UBASH3A: variants seen among roughly 807,000 people sequenced by gnomAD.
UBASH3A encodes ubiquitin associated and SH3 domain containing A.
Under a neutral mutation model 73.5 loss-of-function variants are expected in UBASH3A, and 63 were observed. That is an observed-to-expected ratio of 0.86 (90% CI 0.70 to 1.06). The LOEUF (loss-of-function observed/expected upper bound fraction) is 1.06. Among genes scored for constraint, UBASH3A ranks in the 50% least tolerant of loss-of-function variants. The pLI is 0.00. For synonymous variants in UBASH3A, 363 were observed against 351.1 expected (o/e 1.03, Z -0.38); for missense variants, 860 against 859.0 (o/e 1.00, Z -0.02).
At chr21:42,434,204 T>G (rs1425888864) in intron 9 of UBASH3A, among the ~76,000 whole-genome samples, 1 of 152,136 alleles carries the variant, frequency 6.6e-6, no homozygotes, top group Non-Finnish European at 1.5e-5. Context: ...ATAAGAGAGA[T>G]GAAGTCATTT....
At chr21:42,440,193 C>A (rs1156478497) in intron 11 of UBASH3A, among the ~76,000 whole-genome samples, 1 of 152,204 alleles carries the variant, frequency 6.6e-6, no homozygotes, top group Non-Finnish European at 1.5e-5. Context: ...GCAGGTCCAG[C>A]CTTCGTGTTT....
At chr21:42,420,140 T>C (rs1012303797) in intron 7 of UBASH3A, among the ~76,000 whole-genome samples, 1 of 152,274 alleles carries the variant, frequency 6.6e-6, no homozygotes, top group South Asian at 2.1e-4. Flanking sequence ...TAAGTATATG[T>C]ACAGTTGTCC....
intron 11 of UBASH3A, among the ~76,000 whole-genome samples, chr21:42,438,799 G>A (rs2053674962): frequency 1.3e-5 from 2 of 152,142 alleles, no homozygotes; most frequent in African/African-American, 4.8e-5. Flanking sequence ...GGGCTGCAGT[G>A]GCTAGAATGA....
At chr21:42,418,364 T>C in intron 6 of UBASH3A, 37 bp from the exon 7 acceptor site, 2 of 1,587,960 alleles carry the variant, frequency 1.3e-6, no homozygotes, top group Non-Finnish European at 1.7e-6. Flanking sequence ...ATGTAAATCT[T>C]TGCTCGAGAC....
intron 8 of UBASH3A, among the ~76,000 whole-genome samples, chr21:42,427,163 T>C (rs548812487): frequency 1.3e-5 from 2 of 152,290 alleles, no homozygotes; most frequent in East Asian, 3.9e-4. Context: ...CCCCTCATCT[T>C]TTGAGGCAAA....
intron 10 of UBASH3A, 49 bp from the exon 11 acceptor site, chr21:42,437,439 A>G: frequency 1.9e-6 from 3 of 1,549,700 alleles, no homozygotes; most frequent in Non-Finnish European, 2.7e-6. Flanking sequence ...CTGCCATCAG[A>G]GGCTAGAATT....
chr21:42,443,820 G>T (rs761030049), intron 13 of UBASH3A, among the ~76,000 whole-genome samples: 3 of 152,054 alleles, frequency 2.0e-5, no homozygotes, highest in Non-Finnish European at 4.4e-5. Flanking sequence ...CTCCCCTGCC[G>T]CCCAGGCCCT....
At position 42,409,460 on chromosome 21, in the gene UBASH3A, C is replaced by G. The variant is rs570161761; in HGVS notation, c.206C>G (p.Pro69Arg). Residue 69 changes from proline (P) to arginine (R), a missense_variant, in exon 3 of 15, where the codon CCC becomes CGC. Transcript: ENST00000319294. Reference sequence around the variant, plus strand: ...TGCAATGACCCTTCCCTAGACGACCCCATCCCCCAGGAGTATGCCCTTTTC... The same window carrying G: ...TGCAATGACCCTTCCCTAGACGACCGCATCCCCCAGGAGTATGCCCTTTTC... ...DHCNDPSLDD[P>R]IPQEYALFLC... The G allele has an allele frequency of 6.2e-6, 10 of 1,612,004 alleles. No individual in the cohort carries two copies. The South Asian group carries it at 1.1e-4, about 18-fold the overall frequency.
chr21:42,439,435 G>A (rs2053689163), intron 11 of UBASH3A, among the ~76,000 whole-genome samples: 1 of 152,088 alleles, frequency 6.6e-6, no homozygotes, highest in Admixed American at 6.5e-5. Flanking sequence ...TTCCCATGTT[G>A]ATTGCATCAC....
intron 2 of UBASH3A, among the ~76,000 whole-genome samples, chr21:42,408,199 C>T (rs546355955): frequency 4.6e-5 from 7 of 152,294 alleles, no homozygotes; most frequent in South Asian, 2.1e-4. Context: ...TATGGTCTTG[C>T]GTAAGTTCTG....
In UBASH3A at chr21:42,416,684, C is replaced by G. The variant is rs949548189; in HGVS notation, c.837+73C>G. On this transcript the variant is annotated intron_variant, in intron 6 of 14. Transcript: ENST00000319294. Reference sequence around the variant, plus strand: ...GCTCGGTGGCTCACGCCTGTAATCCCAGCACTTTGGGAGGCCGAGGCGGCG... The same window carrying G: ...GCTCGGTGGCTCACGCCTGTAATCCGAGCACTTTGGGAGGCCGAGGCGGCG... 2.0e-5 allele frequency: 27 copies of G among 1,365,882 alleles called. No homozygotes were observed. In the East Asian group the frequency reaches 8.0e-4, roughly 40 times the overall value. 84.6% of individuals were successfully genotyped at this position (1,365,882 alleles called of 1,614,324 possible).
chr21:42,410,953 ACGG>A (rs2053080310), intron 3 of UBASH3A, among the ~76,000 whole-genome samples: 1 of 150,844 alleles, frequency 6.6e-6, no homozygotes, highest in African/African-American at 2.4e-5. Flanking sequence ...AGACGTACAC[ACGG>A]CACACACAGA....
In UBASH3A at chr21:42,414,252, T is replaced by C. The variant is rs910510822; in HGVS notation, c.667+729T>C. Among the ~76,000 whole-genome samples, 3 of 152,324 alleles carry C rather than the reference T, an allele frequency of 2.0e-5. No individual in the cohort carries two copies. The East Asian group carries it at 5.8e-4, about 29-fold the overall frequency. On this transcript the variant is annotated intron_variant, in intron 5 of 14. Transcript: ENST00000319294. ...CATGTATGAAGCACAGATCCTGGCC[T>C]GTAAATCCATCCCTGAATCCTGGGC...
At chr21:42,431,363 G>A (rs979504723) in intron 8 of UBASH3A, among the ~76,000 whole-genome samples, 4 of 152,252 alleles carry the variant, frequency 2.6e-5, no homozygotes, top group African/African-American at 9.6e-5. Context: ...GCGGGCGTGA[G>A]CCCTGTAACT....
Position 42,416,462 on chromosome 21 carries a change from A to G in UBASH3A, c.688A>G (p.Thr230Ala). ...LQKYCSVKPC[T>A]KQLHLTLAHK... ...CACAGACTGCTCCGTGAAGCCTTGC[A>G]CCAAACAGCTGCATCTGACCTTGGC... Residue 230 changes from threonine (T) to alanine (A), a missense_variant, in exon 6 of 15, where the codon ACC (threonine) becomes GCC (alanine). Coordinates refer to ENST00000319294, the MANE Select transcript of UBASH3A (RefSeq NM_018961.4). 6.3e-7 allele frequency: 1 copy of G among 1,593,068 alleles called. No homozygotes were observed. Among genetic ancestry groups the G allele is most frequent in the Non-Finnish European group, 8.5e-7 (1 of 1,170,896 alleles).
intron 3 of UBASH3A, chr21:42,410,044 A>G: frequency 1.4e-6 from 1 of 701,346 alleles, no homozygotes; most frequent in Non-Finnish European, 2.6e-6. Flanking sequence ...TGCTTCCAAA[A>G]TGTGTGGTAA....
intron 5 of UBASH3A, among the ~76,000 whole-genome samples, chr21:42,415,523 T>C (rs1256793535): frequency 2.0e-5 from 3 of 152,138 alleles, no homozygotes. Context: ...TTGACCTTTT[T>C]TAGGGGGTGA....
At chr21:42,406,757 G>GT (rs2052985628) in intron 2 of UBASH3A, among the ~76,000 whole-genome samples, 1 of 113,338 alleles carries the variant, frequency 8.8e-6, no homozygotes, top group Non-Finnish European at 2.0e-5. Context: ...GTAACATTTG[G>GT]GTTTATATTA....
intron 2 of UBASH3A, among the ~76,000 whole-genome samples, chr21:42,408,593 T>C (rs1294633567): frequency 1.3e-5 from 2 of 152,214 alleles, no homozygotes; most frequent in African/African-American, 4.8e-5. Flanking sequence ...CTTTTACACA[T>C]TGAGCAGAAC....
Sources: gnomAD v4.1 joint callset for allele counts (sites outside exome capture counted in the v4.1 genomes callset) on GRCh38, gnomAD v4.1.1 for gene constraint, MANE v1.5 for transcripts, NCBI Gene and HGNC (gene_info 2026-07-23, HGNC 2026-07-21) for gene names.